VRK2: variants seen among roughly 807,000 people sequenced by gnomAD.
The protein encoded by VRK2 is VRK serine/threonine kinase 2.
VRK2 carries 60 observed loss-of-function variants against 57.6 expected under a neutral mutation model. That is an observed-to-expected ratio of 1.04 (90% CI 0.85 to 1.29). The LOEUF is 1.29. Ranked by LOEUF, VRK2 falls within the 50% of genes most tolerant of loss-of-function variation. VRK2 has a pLI of 0.00. For synonymous variants in VRK2, 231 were observed against 199.2 expected, an observed-to-expected ratio of 1.16 and a Z score of -1.35; for missense variants, 705 against 588.1, an observed-to-expected ratio of 1.20 and a Z score of -2.06.
At chr2:57,934,309 A>T (rs1670833559) in intron 1 of VRK2, among the ~76,000 whole-genome samples, 1 of 152,172 alleles carries the variant, frequency 6.6e-6, no homozygotes. Context: ...TTCTTGTAAG[A>T]CATGTCTAAT....
chr2:57,938,849 T>G (rs527800108), intron 1 of VRK2, among the ~76,000 whole-genome samples: 1 of 152,240 alleles, frequency 6.6e-6, no homozygotes, highest in South Asian at 2.1e-4. Context: ...GCTTTCAAAG[T>G]TATTTATGAC....
chr2:58,154,837 C>G lies in VRK2; in HGVS notation c.1183-4512C>G, dbSNP rs891512738. On this transcript the variant is annotated intron_variant, in intron 12 of 12. Coordinates refer to ENST00000340157, the MANE Select transcript of VRK2 (RefSeq NM_006296.7). Reference sequence around the variant, plus strand: ...CCATGCTATAAGTGTCCTGCTAAACCCTGTTTGTACTGCATCCTGTAAATA... The same window carrying G: ...CCATGCTATAAGTGTCCTGCTAAACGCTGTTTGTACTGCATCCTGTAAATA... 13 of 700,912 alleles carry G rather than the reference C, an allele frequency of 1.9e-5. No individual in the cohort carries two copies. In the African/African-American group the frequency reaches 2.3e-4, roughly 12 times the overall value. 43.4% of individuals were successfully genotyped at this position (700,912 alleles called of 1,614,324 possible).
At chr2:58,104,587 A>G (rs1368663380) in intron 7 of VRK2, among the ~76,000 whole-genome samples, 1 of 151,948 alleles carries the variant, frequency 6.6e-6, no homozygotes, top group Non-Finnish European at 1.5e-5. Flanking sequence ...ATGGAAAAAC[A>G]TTCCATGCTT....
At chr2:57,919,506 C>T (rs1670267022) in intron 1 of VRK2, among the ~76,000 whole-genome samples, 1 of 151,954 alleles carries the variant, frequency 6.6e-6, no homozygotes, top group Admixed American at 6.6e-5. Context: ...AGAGTATACC[C>T]TTATTTTCAG....
At chr2:58,069,318 G>A (rs1391684223) in intron 2 of VRK2, among the ~76,000 whole-genome samples, 1 of 152,158 alleles carries the variant, frequency 6.6e-6, no homozygotes, top group Non-Finnish European at 1.5e-5. Flanking sequence ...GGTATTGGTA[G>A]TTTACTTATC....
intron 11 of VRK2, among the ~76,000 whole-genome samples, chr2:58,144,947 A>G (rs1681891883): frequency 6.6e-6 from 1 of 151,992 alleles, no homozygotes; most frequent in Non-Finnish European, 1.5e-5. Flanking sequence ...CTAAAAATTG[A>G]GAGACTACAA....
intron 7 of VRK2, among the ~76,000 whole-genome samples, chr2:58,119,150 C>T (rs1156558064): frequency 6.6e-6 from 1 of 152,100 alleles, no homozygotes; most frequent in African/African-American, 2.4e-5. Context: ...AGCAGAAGTA[C>T]AGAGAGAGAT....
intron 2 of VRK2, among the ~76,000 whole-genome samples, chr2:58,080,084 G>A (rs1670645085): frequency 6.6e-6 from 1 of 151,862 alleles, no homozygotes; most frequent in Admixed American, 6.6e-5. Context: ...TCTGAATAAA[G>A]CAAAAATATT....
At chr2:58,008,193 G>T (rs983333762) in intron 1 of VRK2, among the ~76,000 whole-genome samples, 6 of 151,948 alleles carry the variant, frequency 3.9e-5, no homozygotes, top group African/African-American at 1.4e-4. Flanking sequence ...AACTCCTTTT[G>T]AATATTTCTT....
intron 7 of VRK2, among the ~76,000 whole-genome samples, chr2:58,107,476 C>T (rs893356863): frequency 1.3e-5 from 2 of 152,044 alleles, no homozygotes; most frequent in Non-Finnish European, 2.9e-5. Flanking sequence ...TTTTAATAGT[C>T]ATGAATAGTG....
intron 2 of VRK2, among the ~76,000 whole-genome samples, chr2:58,056,278 C>T (rs1211280606): frequency 6.6e-6 from 1 of 152,116 alleles, no homozygotes; most frequent in Non-Finnish European, 1.5e-5. Flanking sequence ...TCCATGAGAC[C>T]GTTGTGAATA....
Position 58,088,454 on chromosome 2 carries a change from T to G in VRK2, c.450+8T>G. On this transcript the variant is annotated splice_region_variant and intron_variant, in intron 6 of 12. Coordinates refer to ENST00000340157, the MANE Select transcript of VRK2 (RefSeq NM_006296.7). ...CAATTAGGTATCCGAATGGTAAGAA[T>G]TACTTATTTCGCATGCTCCATTTCC... The G allele has an allele frequency of 6.3e-7, 1 of 1,587,020 alleles. No homozygotes were observed. The highest frequency in any genetic ancestry group is 8.6e-7 in the Non-Finnish European group (1 of 1,157,594).
At chr2:58,027,765 A>G (rs1673978100) in intron 2 of VRK2, among the ~76,000 whole-genome samples, 1 of 152,196 alleles carries the variant, frequency 6.6e-6, no homozygotes, top group South Asian at 2.1e-4. Context: ...TATAAGATTT[A>G]TAGAAGTATA....
In VRK2 at chr2:58,067,669, A is replaced by AT. The variant is rs1668788601; in HGVS notation, c.137-16415dup. ...GTCCTGCTTAGGCTATATCTCACAG[A>AT]TTTTTAAATATTGTGGTTGTCTTGT... On this transcript the variant is annotated intron_variant, in intron 2 of 12. Coordinates refer to ENST00000340157, the MANE Select transcript of VRK2 (RefSeq NM_006296.7). Among the ~76,000 whole-genome samples, 5 of 152,056 alleles carry AT rather than the reference A, an allele frequency of 3.3e-5. No homozygotes were observed. In the South Asian group the frequency reaches 1.0e-3, roughly 32 times the overall value.
intron 1 of VRK2, chr2:58,018,184 G>A (rs1013311978): frequency 5.9e-5 from 9 of 152,068 alleles, no homozygotes; most frequent in Admixed American, 6.6e-5. Context: ...GTAGAGACAG[G>A]GTTTCACCAC....
At chr2:58,061,317 A>G (rs575762555) in intron 2 of VRK2, among the ~76,000 whole-genome samples, 10 of 152,068 alleles carry the variant, frequency 6.6e-5, no homozygotes, top group African/African-American at 2.4e-4. Context: ...GGGTTGGAAG[A>G]TATAATTTGT....
chr2:57,970,608 T>C (rs932237012), intron 1 of VRK2, among the ~76,000 whole-genome samples: 2 of 151,918 alleles, frequency 1.3e-5, no homozygotes, highest in Non-Finnish European at 2.9e-5. Context: ...CATAAACATA[T>C]ATGCAAGAGT....
intron 1 of VRK2, among the ~76,000 whole-genome samples, chr2:58,021,604 T>C (rs1410555582): frequency 1.3e-5 from 2 of 152,216 alleles, no homozygotes; most frequent in Non-Finnish European, 2.9e-5. Context: ...ATCCCTTCCA[T>C]ATAGACATCT....
intron 12 of VRK2, among the ~76,000 whole-genome samples, chr2:58,150,592 G>T (rs1394145808): frequency 1.0e-3 from 93 of 90,138 alleles, no homozygotes; most frequent in East Asian, 1.6e-3. Flanking sequence ...ACCAACCTTT[G>T]GTTTTGTTGA....
Sources: gnomAD v4.1 joint callset for allele counts (sites outside exome capture counted in the v4.1 genomes callset) on GRCh38, gnomAD v4.1.1 for gene constraint, MANE v1.5 for transcripts, NCBI Gene and HGNC (gene_info 2026-07-23, HGNC 2026-07-21) for gene names.